FKBP5: variants seen among roughly 807,000 people sequenced by gnomAD.
FKBP5 encodes the protein FKBP prolyl isomerase 5, also known as peptidyl-prolyl cis-trans isomerase FKBP5.
FKBP5 carries 23 observed loss-of-function variants against 50.5 expected under a neutral mutation model. The observed-to-expected ratio is 0.46, with a 90% CI of 0.33 to 0.65. The LOEUF (loss-of-function observed/expected upper bound fraction) is 0.65, where lower values mean the gene tolerates loss of function less well. FKBP5 is among the 30% of genes least tolerant of loss of function. The pLI is 0.02. For missense variants in FKBP5, 411 were observed against 553.1 expected (o/e 0.74, Z 2.58); for synonymous variants, 176 against 190.6 (o/e 0.92, Z 0.63).
rs138764174 is a variant in FKBP5 at position 35,594,709 on chromosome 6, CAT to C, written c.665+2537_665+2538del. On this transcript the variant is annotated intron_variant, in intron 6 of 10. Transcript: ENST00000357266. ...ATATATAGCATGTAGGGGTTTTCTA[CAT>C]ATATATGTAGTACTACGCAATGCAT... Among the ~76,000 whole-genome samples, 1,124 of 151,654 alleles carry C rather than the reference CAT, an allele frequency of 7.4e-3. 12 individuals carry two copies. Among genetic ancestry groups the C allele is most frequent in the African/African-American group, 0.024 (972 of 40,988 alleles).
At chr6:35,605,319 C>A (rs1763274557) in intron 5 of FKBP5, among the ~76,000 whole-genome samples, 1 of 149,174 alleles carries the variant, frequency 6.7e-6, no homozygotes, top group Non-Finnish European at 1.5e-5. Context: ...TTATAAAAAA[C>A]CCTCAATAAA....
intron 2 of FKBP5, among the ~76,000 whole-genome samples, chr6:35,717,563 A>G (rs926421068): frequency 1.3e-5 from 2 of 152,182 alleles, no homozygotes; most frequent in Admixed American, 1.3e-4. Flanking sequence ...ACCTGTGGCA[A>G]TGCACACCCA....
At chr6:35,603,798 C>T (rs1265151340) in intron 5 of FKBP5, among the ~76,000 whole-genome samples, 2 of 152,062 alleles carry the variant, frequency 1.3e-5, no homozygotes, top group Admixed American at 6.5e-5. Flanking sequence ...ATCTGCCTCC[C>T]GAGTTCAAGG....
At chr6:35,583,812 A>AT (rs1218495887) in intron 8 of FKBP5, 3 of 985,170 alleles carry the variant, frequency 3.0e-6, no homozygotes, top group East Asian at 1.1e-4. Flanking sequence ...CTTCTTAGGA[A>AT]TTTTTTTTAA....
chr6:35,628,665 T>G (rs1764066661), intron 3 of FKBP5, among the ~76,000 whole-genome samples: 1 of 152,246 alleles, frequency 6.6e-6, no homozygotes, highest in African/African-American at 2.4e-5. Context: ...CTTTTTATAC[T>G]AAATAAAGCA....
At chr6:35,717,747 G>T (rs956981741) in intron 2 of FKBP5, among the ~76,000 whole-genome samples, 1 of 152,198 alleles carries the variant, frequency 6.6e-6, no homozygotes, top group Non-Finnish European at 1.5e-5. Flanking sequence ...CGACTGAGGT[G>T]GGGCAGCTGT....
intron 1 of FKBP5, among the ~76,000 whole-genome samples, chr6:35,722,783 C>A (rs1425981878): frequency 6.6e-6 from 1 of 152,240 alleles, no homozygotes; most frequent in East Asian, 1.9e-4. Flanking sequence ...CAGTCCCCAA[C>A]TTCCCAAGAC....
At chr6:35,676,918 A>C (rs374915075) in intron 1 of FKBP5, among the ~76,000 whole-genome samples, 1 of 152,212 alleles carries the variant, frequency 6.6e-6, no homozygotes, top group Admixed American at 6.5e-5. Flanking sequence ...AACAAAGGAG[A>C]TCACTTATAA....
chr6:35,637,758 G>A (rs368043179), intron 2 of FKBP5, among the ~76,000 whole-genome samples: 4 of 152,172 alleles, frequency 2.6e-5, no homozygotes, highest in East Asian at 3.9e-4. Flanking sequence ...CACCGCGCCC[G>A]ACACTAAACT....
chr6:35,695,574 C>T (rs1766068159), intron 2 of FKBP5, among the ~76,000 whole-genome samples: 1 of 152,206 alleles, frequency 6.6e-6, no homozygotes. Context: ...AAAACTATCT[C>T]TTCACAGACA....
chr6:35,657,546 G>A (rs926893247), intron 1 of FKBP5, among the ~76,000 whole-genome samples: 1 of 152,134 alleles, frequency 6.6e-6, no homozygotes, highest in Admixed American at 6.5e-5. Flanking sequence ...AAGAACCCAC[G>A]TGATTAAGTT....
At chr6:35,694,136 A>G (rs1766045634) in intron 2 of FKBP5, among the ~76,000 whole-genome samples, 1 of 151,668 alleles carries the variant, frequency 6.6e-6, no homozygotes, top group African/African-American at 2.4e-5. Context: ...ACTGCACCCA[A>G]CCAGTTTCTA....
chr6:35,615,812 T>C (rs1763635940), intron 5 of FKBP5, among the ~76,000 whole-genome samples: 1 of 152,182 alleles, frequency 6.6e-6, no homozygotes. Flanking sequence ...AATAGTAACG[T>C]TGCAGTAGTG....
In FKBP5 at chr6:35,642,711, T is replaced by A. The variant is rs765806485; in HGVS notation, c.105+9A>T. 6.2e-7 allele frequency: 1 copy of A among 1,607,672 alleles called. No individual in the cohort carries two copies. Among genetic ancestry groups the A allele is most frequent in the South Asian group, 1.1e-5 (1 of 90,646 alleles). Reference sequence around the variant, plus strand: ...TTTCCTTGTATGTCACTCAGCTTTGTGGCCTCACCTTTAATACTCCCCTGT... The same window carrying A: ...TTTCCTTGTATGTCACTCAGCTTTGAGGCCTCACCTTTAATACTCCCCTGT... On this transcript the variant is annotated intron_variant, in intron 2 of 10. Coordinates refer to ENST00000357266, the MANE Select transcript of FKBP5 (RefSeq NM_004117.4).
At chr6:35,638,228 CAG>C (rs1184439658) in intron 2 of FKBP5, among the ~76,000 whole-genome samples, 1 of 152,092 alleles carries the variant, frequency 6.6e-6, no homozygotes, top group Admixed American at 6.6e-5. Context: ...TGGTAGATAA[CAG>C]AGGATGGTAG....
intron 9 of FKBP5, among the ~76,000 whole-genome samples, chr6:35,579,192 ATG>A (rs1762342194): frequency 6.6e-6 from 1 of 152,072 alleles, no homozygotes. Context: ...TCCGCTCTGT[ATG>A]AAAAAAACGA....
At chr6:35,649,820 A>G (rs1764739994) in intron 1 of FKBP5, among the ~76,000 whole-genome samples, 1 of 152,220 alleles carries the variant, frequency 6.6e-6, no homozygotes, top group African/African-American at 2.4e-5. Context: ...TTCATCAACT[A>G]AACACAGATC....
chr6:35,692,748 AC>A (rs1369061060), upstream of FKBP5, among the ~76,000 whole-genome samples: 2 of 144,050 alleles, frequency 1.4e-5, no homozygotes, highest in East Asian at 4.2e-4. Context: ...CCAAGATTGC[AC>A]CACTGCACTC....
intron 3 of FKBP5, among the ~76,000 whole-genome samples, chr6:35,626,360 T>A (rs1383676097): frequency 1.3e-5 from 2 of 152,148 alleles, no homozygotes; most frequent in Admixed American, 1.3e-4. Flanking sequence ...TTTAAAAAAA[T>A]TATATAACAT....
Sources: gnomAD v4.1 joint callset for allele counts (sites outside exome capture counted in the v4.1 genomes callset) on GRCh38, gnomAD v4.1.1 for gene constraint, MANE v1.5 for transcripts, NCBI Gene and HGNC (gene_info 2026-07-23, HGNC 2026-07-21) for gene names.